NUP210: variants seen among roughly 807,000 people sequenced by gnomAD.
The protein encoded by NUP210 is nuclear pore membrane glycoprotein 210.
A neutral mutation model predicts 196.0 loss-of-function variants in NUP210; 151 were observed. The observed-to-expected ratio is 0.77, with a 90% confidence interval of 0.67 to 0.88. The LOEUF (loss-of-function observed/expected upper bound fraction) is 0.88, where lower values mean the gene tolerates loss of function less well. Ranked by LOEUF, NUP210 falls within the 40% of genes least tolerant of loss-of-function variation. The pLI is 0.00. For missense variants in NUP210, 2,314 were observed against 2,493.7 expected, an observed-to-expected ratio of 0.93 and a Z score of 1.53; for synonymous variants, 1,070 against 1,052.7, an observed-to-expected ratio of 1.02 and a Z score of -0.32.
At chr3:13,358,428 A>T (rs1233225913) in intron 15 of NUP210, 33 bp from the exon 16 acceptor site, 1 of 1,576,506 alleles carries the variant, frequency 6.3e-7, no homozygotes, top group Non-Finnish European at 8.6e-7. Flanking sequence ...CAGACCCCCA[A>T]GCTTGAGTTC....
chr3:13,361,384 G>A (rs927344271), intron 14 of NUP210, among the ~76,000 whole-genome samples: 2 of 152,222 alleles, frequency 1.3e-5, no homozygotes, highest in Non-Finnish European at 2.9e-5. Flanking sequence ...ATGGCCTAGG[G>A]CAACCAGTGG....
At chr3:13,341,957 T>C (rs769333920) in intron 22 of NUP210, 39 bp downstream of exon 22, 21 of 1,613,794 alleles carry the variant, frequency 1.3e-5, no homozygotes, top group Non-Finnish European at 1.8e-5. Context: ...GTCAGCACTG[T>C]CTCTGAGGTG....
intron 1 of NUP210, among the ~76,000 whole-genome samples, chr3:13,409,992 T>C (rs1052826215): frequency 3.4e-5 from 5 of 146,910 alleles, no homozygotes; most frequent in African/African-American, 1.3e-4. Flanking sequence ...GCACGCCACC[T>C]GTAATTTTTA....
intron 26 of NUP210, among the ~76,000 whole-genome samples, chr3:13,337,569 A>C (rs570681202): frequency 6.6e-6 from 1 of 152,348 alleles, no homozygotes; most frequent in African/African-American, 2.4e-5. Flanking sequence ...CACGGAGTTG[A>C]GTTAAGTGCC....
Position 13,327,229 on chromosome 3 carries a change from TC to T in NUP210, c.4494del (p.Thr1499ProfsTer35). 6.2e-7 allele frequency: 1 copy of T among 1,612,850 alleles called. No individual in the cohort carries two copies. On this transcript the variant is annotated frameshift_variant, in exon 32 of 40. Transcript: ENST00000254508. LOFTEE classifies it high-confidence loss of function. ...GGATCTATCTTACCTTCCAGGCTGG[TC>T]AGAACAGTGGCCAGACAGAGCACGT... ...VGDVLCLATV[L>X]TSLEGLSGTW...
chr3:13,321,542 C>T, intron 36 of NUP210, 43 bp downstream of exon 36: 1 of 1,589,228 alleles, frequency 6.3e-7, no homozygotes, highest in Non-Finnish European at 8.6e-7. Flanking sequence ...CTTCCTGATG[C>T]CCCTGACTCC....
At chr3:13,415,924 C>A (rs1700334673) in intron 1 of NUP210, among the ~76,000 whole-genome samples, 1 of 152,154 alleles carries the variant, frequency 6.6e-6, no homozygotes, top group African/African-American at 2.4e-5. Flanking sequence ...CCTGCTGGGG[C>A]AGGGAGAGGG....
intron 1 of NUP210, among the ~76,000 whole-genome samples, chr3:13,418,105 G>C (rs865928620): frequency 6.6e-6 from 1 of 152,198 alleles, no homozygotes; most frequent in Admixed American, 6.5e-5. Flanking sequence ...ATGTATCCCC[G>C]CCACAGTATT....
intron 1 of NUP210, 87 bp downstream of exon 1, chr3:13,419,973 T>G (rs1470676410): frequency 3.3e-6 from 3 of 916,228 alleles, no homozygotes; most frequent in Non-Finnish European, 4.0e-6. Context: ...CTGCCGGCTC[T>G]GCCGGCCTCC....
rs769520658 is a variant in NUP210 at position 13,317,432 on chromosome 3, A to G, written c.*249T>C. The G allele has an allele frequency of 3.9e-6, 2 of 518,366 alleles. No individual in the cohort carries two copies. The highest frequency in any genetic ancestry group is 6.9e-6 in the Non-Finnish European group (2 of 289,166). The allele number at this position is 518,366 out of a possible 1,614,324, so 32.1% of individuals were successfully genotyped here. A position where few individuals can be genotyped will look rare whatever the true frequency, so the allele number is the denominator to read the frequency against. ...ACCCTAGACAACCATGCAAAAAGGAATGAGCCAAAAAGTCTTAGCTTTGTA... is the reference window on the plus strand; with the variant it reads ...ACCCTAGACAACCATGCAAAAAGGAGTGAGCCAAAAAGTCTTAGCTTTGTA... On this transcript the variant is annotated 3_prime_UTR_variant, in exon 40 of 40. Coordinates refer to ENST00000254508, the MANE Select transcript of NUP210 (RefSeq NM_024923.4).
chr3:13,352,334 T>C, intron 18 of NUP210, 150 bp from the exon 19 acceptor site: 1 of 612,538 alleles, frequency 1.6e-6, no homozygotes, highest in African/African-American at 1.8e-5. Flanking sequence ...CACAGACCCT[T>C]TGAGGTCTCC....
intron 16 of NUP210, among the ~76,000 whole-genome samples, chr3:13,357,728 A>C (rs946830425): frequency 6.6e-6 from 1 of 151,850 alleles, no homozygotes; most frequent in African/African-American, 2.4e-5. Flanking sequence ...GTTAGACAAG[A>C]CTCCCAAGGG....
chr3:13,372,856 C>G (rs762388039), intron 12 of NUP210, among the ~76,000 whole-genome samples: 1 of 152,194 alleles, frequency 6.6e-6, no homozygotes, highest in Non-Finnish European at 1.5e-5. Flanking sequence ...GAACTGTCCT[C>G]AGGATCTGGC....
chr3:13,340,361 T>C lies in NUP210; in HGVS notation c.3229-63A>G. 1 of 1,409,196 alleles carries C rather than the reference T, an allele frequency of 7.1e-7. No homozygotes were observed. The highest frequency in any genetic ancestry group is 1.0e-6 in the Non-Finnish European group (1 of 996,620). 87.3% of individuals were successfully genotyped at this position (1,409,196 alleles called of 1,614,324 possible). Reference sequence around the variant, plus strand: ...CCAAGCCCATGGCGCCAAGCATAACTCACACACTACATGTTTCATGAGAGG... The same window carrying C: ...CCAAGCCCATGGCGCCAAGCATAACCCACACACTACATGTTTCATGAGAGG... On this transcript the variant is annotated intron_variant, in intron 23 of 39. Coordinates refer to ENST00000254508, the MANE Select transcript of NUP210 (RefSeq NM_024923.4). This position sits in a 1 kb window ranked among gnomAD's most constrained non-coding sequence, Gnocchi z 4.0.
intron 2 of NUP210, 105 bp from the exon 3 acceptor site, chr3:13,397,593 C>T (rs1354948988): frequency 8.0e-7 from 1 of 1,254,430 alleles, no homozygotes; most frequent in Admixed American, 3.3e-5. Context: ...CGGCAACCAC[C>T]AGCTTCACCC....
At chr3:13,377,019 G>A (rs1474678350) in intron 9 of NUP210, among the ~76,000 whole-genome samples, 1 of 152,168 alleles carries the variant, frequency 6.6e-6, no homozygotes, top group Non-Finnish European at 1.5e-5. Flanking sequence ...GCTGAGCTCG[G>A]CCTCTGTCAT....
At chr3:13,374,361 T>TAG (rs1462042821) in intron 11 of NUP210, among the ~76,000 whole-genome samples, 6 of 152,120 alleles carry the variant, frequency 3.9e-5, no homozygotes, top group South Asian at 2.1e-4. Flanking sequence ...CGTTCACACA[T>TAG]ATATACTCGC....
At chr3:13,320,283 A>G (rs967292112) in intron 36 of NUP210, among the ~76,000 whole-genome samples, 8 of 152,198 alleles carry the variant, frequency 5.3e-5, no homozygotes, top group African/African-American at 1.7e-4. Context: ...ACAAATCAAT[A>G]TGAATGTCAG....
chr3:13,411,303 G>A (rs1053450081), intron 1 of NUP210, among the ~76,000 whole-genome samples: 2 of 152,200 alleles, frequency 1.3e-5, no homozygotes, highest in Non-Finnish European at 1.5e-5. Context: ...AATCATCTGA[G>A]AAGGGTGGCG....
Sources: gnomAD v4.1 joint callset for allele counts (sites outside exome capture counted in the v4.1 genomes callset) on GRCh38, gnomAD v4.1.1 for gene constraint, Gnocchi (gnomAD v3.1) non-coding constraint, MANE v1.5 for transcripts, NCBI Gene and HGNC (gene_info 2026-07-23, HGNC 2026-07-21) for gene names.